AHCYL2: variants seen among roughly 807,000 people sequenced by gnomAD.
AHCYL2 encodes the protein S-adenosylhomocysteine hydrolase-like protein 2.
AHCYL2 carries 28 observed loss-of-function variants against 81.4 expected under a neutral mutation model. That is an observed-to-expected ratio of 0.34 (90% CI 0.25 to 0.47). The LOEUF (loss-of-function observed/expected upper bound fraction) is 0.47, where lower values mean the gene tolerates loss of function less well. Among genes scored for constraint, AHCYL2 ranks in the 20% least tolerant of loss-of-function variants. The pLI, the probability that AHCYL2 is intolerant of heterozygous loss-of-function variation, is 1.00. For synonymous variants in AHCYL2, 272 were observed against 290.2 expected (o/e 0.94, Z 0.64); for missense variants, 551 against 785.1 (o/e 0.70, Z 3.56).
At chr7:129,278,209 A>G (rs1243789829) in intron 1 of AHCYL2, among the ~76,000 whole-genome samples, 2 of 152,154 alleles carry the variant, frequency 1.3e-5, no homozygotes, top group Admixed American at 6.5e-5. Flanking sequence ...TCTTGTGGTA[A>G]AGTGTCTATT....
chr7:129,402,295 A>G (rs976086153), intron 6 of AHCYL2, among the ~76,000 whole-genome samples: 6 of 152,176 alleles, frequency 3.9e-5, no homozygotes, highest in African/African-American at 1.2e-4. Context: ...TTCTCAAGCA[A>G]GGTTTGAGTG....
At chr7:129,296,924 A>T (rs922203739) in intron 1 of AHCYL2, among the ~76,000 whole-genome samples, 2 of 152,252 alleles carry the variant, frequency 1.3e-5, no homozygotes, top group African/African-American at 4.8e-5. Flanking sequence ...AGCCTTATAA[A>T]GGAGAATTAA....
At chr7:129,332,009 C>G (rs1337815867) in intron 1 of AHCYL2, among the ~76,000 whole-genome samples, 1 of 151,866 alleles carries the variant, frequency 6.6e-6, no homozygotes, top group Non-Finnish European at 1.5e-5. Context: ...AAAGCTGGGA[C>G]TCACTTTTAT....
intron 1 of AHCYL2, among the ~76,000 whole-genome samples, chr7:129,338,064 A>G (rs1793019916): frequency 6.6e-6 from 1 of 152,126 alleles, no homozygotes; most frequent in South Asian, 2.1e-4. Flanking sequence ...TACAACAAAA[A>G]TGCTTTAATG....
intron 11 of AHCYL2, among the ~76,000 whole-genome samples, chr7:129,410,739 C>G (rs1796529197): frequency 6.6e-6 from 1 of 152,138 alleles, no homozygotes; most frequent in Non-Finnish European, 1.5e-5. Context: ...GCAGAAATGG[C>G]TAGTTTCCTC....
rs1363796619 is a variant in AHCYL2, at chr7:129,413,579, T to G, written c.1367-15T>G. 3 of 1,602,832 alleles carry G rather than the reference T, an allele frequency of 1.9e-6. No individual in the cohort carries two copies. The African/African-American group carries it at 4.0e-5, about 21-fold the overall frequency. On this transcript the variant is annotated splice_polypyrimidine_tract_variant and intron_variant, in intron 11 of 16. Coordinates refer to ENST00000325006, the MANE Select transcript of AHCYL2 (RefSeq NM_015328.4). Reference sequence around the variant, plus strand: ...CTTTCTCCACTGCTGCTCAGACCTCTCTTCTGTTTTTAAGGTAACAAGAAT... The same window carrying G: ...CTTTCTCCACTGCTGCTCAGACCTCGCTTCTGTTTTTAAGGTAACAAGAAT...
At chr7:129,225,528 C>T (rs1794179894) in intron 1 of AHCYL2, 89 bp downstream of exon 1, 3 of 1,401,498 alleles carry the variant, frequency 2.1e-6, no homozygotes, top group Admixed American at 3.2e-5. Flanking sequence ...CCCTCCACGC[C>T]CTCCTTTCTG....
intron 3 of AHCYL2, among the ~76,000 whole-genome samples, 163 bp from the exon 4 acceptor site, chr7:129,389,471 C>G (rs971184153): frequency 6.6e-6 from 1 of 151,834 alleles, no homozygotes; most frequent in African/African-American, 2.4e-5. Flanking sequence ...TCCAAAAGCC[C>G]TTTATAAAGG....
At chr7:129,331,370 G>A (rs1056421488) in intron 1 of AHCYL2, among the ~76,000 whole-genome samples, 16 of 151,980 alleles carry the variant, frequency 1.1e-4, no homozygotes, top group African/African-American at 1.9e-4. Context: ...TTATTGCATT[G>A]TTATTTATAA....
chr7:129,337,748 C>G (rs1034044415), intron 1 of AHCYL2, among the ~76,000 whole-genome samples: 1 of 151,700 alleles, frequency 6.6e-6, no homozygotes, highest in African/African-American at 2.4e-5. Context: ...TATTTTCAGT[C>G]TTTCTTTTCT....
intron 11 of AHCYL2, among the ~76,000 whole-genome samples, chr7:129,411,757 C>T (rs1796589915): frequency 8.0e-6 from 1 of 124,792 alleles, no homozygotes; most frequent in Non-Finnish European, 1.8e-5. Flanking sequence ...GAAACTCCTT[C>T]TCAAAAAAAA....
chr7:129,239,061 C>A (rs982443454), intron 1 of AHCYL2, among the ~76,000 whole-genome samples: 9 of 152,144 alleles, frequency 5.9e-5, no homozygotes, highest in African/African-American at 2.2e-4. Context: ...CTCAGACTAA[C>A]CAAAATCATG....
At chr7:129,423,458 C>T (rs1314968714) in intron 13 of AHCYL2, among the ~76,000 whole-genome samples, 2 of 152,186 alleles carry the variant, frequency 1.3e-5, no homozygotes, top group Non-Finnish European at 2.9e-5. Flanking sequence ...CATCCTAGCT[C>T]CTAGCTCACA....
chr7:129,352,141 G>GT (rs1018944740), intron 1 of AHCYL2, among the ~76,000 whole-genome samples: 1 of 152,044 alleles, frequency 6.6e-6, no homozygotes, highest in African/African-American at 2.4e-5. Context: ...GATTGTTTGA[G>GT]TTGCAAACTG....
At chr7:129,382,678 G>A (rs544176853) in intron 2 of AHCYL2, among the ~76,000 whole-genome samples, 7 of 152,118 alleles carry the variant, frequency 4.6e-5, no homozygotes, top group Non-Finnish European at 8.8e-5. Context: ...GGCTGAGGTC[G>A]GCGAATCACC....
Position 129,364,516 on chromosome 7 carries a change from C to T in AHCYL2, c.364-15122C>T, listed in dbSNP as rs368527698. 1.5e-4 allele frequency among the ~76,000 whole-genome samples: 23 copies of T among 152,304 alleles called. No individual in the cohort carries two copies. In the South Asian group the frequency reaches 3.7e-3, roughly 25 times the overall value. Reference sequence around the variant, plus strand: ...ACATTCACCAGGCTGGTCTCGATCTCCTGACTTCAGGTGATCTGCCCACCT... The same window carrying T: ...ACATTCACCAGGCTGGTCTCGATCTTCTGACTTCAGGTGATCTGCCCACCT... On this transcript the variant is annotated intron_variant, in intron 1 of 16. Coordinates refer to ENST00000325006, the MANE Select transcript of AHCYL2 (RefSeq NM_015328.4).
chr7:129,401,589 G>C (rs1796039375), intron 6 of AHCYL2, among the ~76,000 whole-genome samples: 1 of 152,170 alleles, frequency 6.6e-6, no homozygotes, highest in Non-Finnish European at 1.5e-5. Context: ...GAGGAAGCTG[G>C]GTTAGAGCTT....
In AHCYL2 at chr7:129,399,091, G is replaced by A. The variant is rs528486942; in HGVS notation, c.824-1199G>A. Among the ~76,000 whole-genome samples, 42 of 139,092 alleles carry A rather than the reference G, an allele frequency of 3.0e-4. No individual in the cohort carries two copies. The East Asian group carries it at 8.3e-3, about 27-fold the overall frequency. 91.2% of individuals were successfully genotyped at this position (139,092 alleles called of 152,430 possible). ...CAGGAGGCGGAGGCTGCAGTGAGCC[G>A]AGATCGCGCCACTGCACTCTAGCCT... On this transcript the variant is annotated intron_variant, in intron 5 of 16. Transcript: ENST00000325006.
chr7:129,388,467 C>T (rs1795302407), intron 2 of AHCYL2, among the ~76,000 whole-genome samples: 1 of 152,144 alleles, frequency 6.6e-6, no homozygotes, highest in Non-Finnish European at 1.5e-5. Flanking sequence ...CCTACTGAGG[C>T]CAGCAAGAAG....
Sources: allele counts gnomAD v4.1 joint callset (sites outside exome capture counted in the v4.1 genomes callset), GRCh38; gene constraint gnomAD v4.1.1; transcripts MANE v1.5; gene names NCBI Gene and HGNC (gene_info 2026-07-23, HGNC 2026-07-21).